Variants in CIP2A observed in about 807,000 individuals in gnomAD.
CIP2A encodes the protein cellular inhibitor of PP2A.
In CIP2A, 103 loss-of-function variants were observed where a neutral mutation model predicts 110.9. The ratio of observed to expected loss-of-function variants is 0.93; its 90% CI spans 0.79 to 1.09. CIP2A has a LOEUF of 1.09. Ranked by LOEUF, CIP2A falls within the 50% of genes least tolerant of loss-of-function variation. The probability of loss-of-function intolerance (pLI) is 0.00; values close to 1 mark genes in which losing one functional copy is unlikely to be tolerated. For synonymous variants in CIP2A, 381 were observed against 361.6 expected (o/e 1.05, Z -0.61); for missense variants, 1,088 against 1,038.4 (o/e 1.05, Z -0.66).
chr3:108,553,819 A>G (rs1304608544), intron 18 of CIP2A, 89 bp from the exon 19 acceptor site: 37 of 970,408 alleles, frequency 3.8e-5, no homozygotes, highest in Admixed American at 5.5e-5. Context: ...TTGGGAGGCC[A>G]AGGCGGGCAG....
chr3:108,557,845 G>C (rs1418792563), intron 16 of CIP2A, among the ~76,000 whole-genome samples: 1 of 152,084 alleles, frequency 6.6e-6, no homozygotes, highest in African/African-American at 2.4e-5. Flanking sequence ...AATTAAGCTA[G>C]TATAATCAAA....
intron 8 of CIP2A, among the ~76,000 whole-genome samples, chr3:108,571,955 AT>A (rs1295514139): frequency 1.3e-5 from 2 of 152,042 alleles, no homozygotes; most frequent in Non-Finnish European, 2.9e-5. Flanking sequence ...TTAAATCTGC[AT>A]TTCCCTTAAG....
At chr3:108,560,578 G>A (rs1937972213) in intron 14 of CIP2A, 71 bp downstream of exon 14, 1 of 855,206 alleles carries the variant, frequency 1.2e-6, no homozygotes, top group Non-Finnish European at 1.8e-6. Flanking sequence ...ACAGTGTTTA[G>A]ATACACGTTA....
chr3:108,589,338 G>C lies in CIP2A; in HGVS notation c.38C>G (p.Thr13Ser). 1 of 1,613,990 alleles carries C rather than the reference G, an allele frequency of 6.2e-7. No individual in the cohort carries two copies. The highest frequency in any genetic ancestry group is 1.3e-5 in the African/African-American group (1 of 75,072). The change falls in exon 1 of 21, where the codon ACT becomes AGT. Residue 13 changes from threonine (T) to serine (S), a missense_variant. Thr to Ser is a moderately conservative substitution (Grantham distance 58). Coordinates refer to ENST00000295746, the MANE Select transcript of CIP2A (RefSeq NM_020890.3). ...CTTCACGGCTTTGTACTGACTGACA[G>C]TCAGGAGCAAGGACTTCAAGCAGGC... Reference protein sequence around the residue: ...STACLKSLLLTVSQYKAVKSE... With the variant: ...STACLKSLLLSVSQYKAVKSE...
chr3:108,575,462 A>G (rs1317449454), intron 8 of CIP2A, among the ~76,000 whole-genome samples: 6 of 149,712 alleles, frequency 4.0e-5, no homozygotes, highest in South Asian at 4.2e-4. Context: ...ACATGTATAC[A>G]TGTGAGTATA....
At chr3:108,566,237 C>T (rs575559328) in intron 11 of CIP2A, among the ~76,000 whole-genome samples, 2 of 151,564 alleles carry the variant, frequency 1.3e-5, no homozygotes, top group Non-Finnish European at 3.0e-5. Context: ...ATGTTCAGAA[C>T]CCTTAGATAA....
intron 1 of CIP2A, among the ~76,000 whole-genome samples, chr3:108,588,264 T>C (rs1939150374): frequency 1.3e-5 from 2 of 152,136 alleles, no homozygotes; most frequent in African/African-American, 4.8e-5. Flanking sequence ...AATTATTAGG[T>C]TTGCAGGCAC....
intron 7 of CIP2A, 145 bp from the exon 8 acceptor site, chr3:108,576,491 A>G (rs1304709612): frequency 2.2e-6 from 1 of 446,460 alleles, no homozygotes. Flanking sequence ...ACACTCCTGT[A>G]AAGTTTATAC....
chr3:108,569,318 T>A (rs1938304239), intron 9 of CIP2A, 71 bp downstream of exon 9: 1 of 1,099,220 alleles, frequency 9.1e-7, no homozygotes. Flanking sequence ...TTACAAAGAA[T>A]GTTTTTGAAG....
chr3:108,583,238 T>C (rs141323890), intron 2 of CIP2A, among the ~76,000 whole-genome samples, 155 bp from the exon 3 acceptor site: 3 of 152,322 alleles, frequency 2.0e-5, no homozygotes, highest in African/African-American at 7.2e-5. Flanking sequence ...ATTCAGAAAT[T>C]CAAATGATTT....
intron 18 of CIP2A, among the ~76,000 whole-genome samples, 164 bp from the exon 19 acceptor site, chr3:108,553,894 TATAAAAAAAA>T (rs1344253660): frequency 1.4e-4 from 7 of 49,706 alleles, no homozygotes; most frequent in Admixed American, 2.9e-4. Context: ...CTACTAAAAA[TATAAAAAAAA>T]AAAAAAAAAA....
intron 9 of CIP2A, among the ~76,000 whole-genome samples, chr3:108,568,926 A>G (rs1938280624): frequency 6.6e-6 from 1 of 151,300 alleles, no homozygotes; most frequent in African/African-American, 2.4e-5. Flanking sequence ...AATTGCCCAG[A>G]TAGTAAGATC....
intron 14 of CIP2A, 51 bp downstream of exon 14, chr3:108,560,598 C>A: frequency 9.3e-7 from 1 of 1,078,734 alleles, no homozygotes; most frequent in Non-Finnish European, 1.3e-6. Flanking sequence ...ATAATTGGGA[C>A]TGACATATAG....
At chr3:108,551,864 T>TA (rs2107304748) in intron 20 of CIP2A, among the ~76,000 whole-genome samples, 1 of 152,266 alleles carries the variant, frequency 6.6e-6, no homozygotes, top group African/African-American at 2.4e-5. Context: ...GTGACTTTAG[T>TA]AAGTAACCTC....
chr3:108,587,781 T>C (rs1939111770), intron 1 of CIP2A, among the ~76,000 whole-genome samples: 1 of 151,350 alleles, frequency 6.6e-6, no homozygotes, highest in African/African-American at 2.4e-5. Context: ...TAAGTCTCTC[T>C]TTTTTTTTGT....
rs183820935 is a variant in CIP2A, at chr3:108,566,872, T to G, written c.1274-234A>C. On this transcript the variant is annotated intron_variant, in intron 10 of 20. Coordinates refer to ENST00000295746, the MANE Select transcript of CIP2A (RefSeq NM_020890.3). ...CTCAATGGTTAAAACAGCGAGGATATCTTTCCATTGGATGTCTGTTTTTTG... is the reference window on the plus strand; with the variant it reads ...CTCAATGGTTAAAACAGCGAGGATAGCTTTCCATTGGATGTCTGTTTTTTG... Among the ~76,000 whole-genome samples the G allele has an allele frequency of 6.3e-4, 95 of 151,902 alleles. 1 individual carries two copies. The highest frequency in any genetic ancestry group is 2.2e-3 in the African/African-American group (92 of 41,532).
At chr3:108,560,176 A>G (rs1937950271) in intron 14 of CIP2A, 148 bp from the exon 15 acceptor site, 1 of 575,458 alleles carries the variant, frequency 1.7e-6, no homozygotes, top group Non-Finnish European at 3.1e-6. Flanking sequence ...AGTCACAAAT[A>G]TTTCTTTTTT....
At chr3:108,581,378 T>A (rs769217813) in intron 5 of CIP2A, 37 bp downstream of exon 5, 1 of 1,409,336 alleles carries the variant, frequency 7.1e-7, no homozygotes, top group South Asian at 1.2e-5. Flanking sequence ...GAATCTACCA[T>A]AAAACAAGAA....
chr3:108,568,293 A>G lies in CIP2A; in HGVS notation c.1135T>C (p.Cys379Arg). 6.2e-7 allele frequency: 1 copy of G among 1,611,726 alleles called. No homozygotes were observed. The highest frequency in any genetic ancestry group is 8.5e-7 in the Non-Finnish European group (1 of 1,178,510). ...GTCACAAAACGATCAGCCGAGGAAC[A>G]GTTAGCAGCATCTATGACATCCTGG... ...IFEDVIDAAN[C>R]SSADRFVTLL... The change falls in exon 10 of 21, where the codon TGT becomes CGT. Residue 379 changes from cysteine (C) to arginine (R), a missense_variant. Cys to Arg is a radical substitution (Grantham distance 180, BLOSUM62 -3). Coordinates refer to ENST00000295746, the MANE Select transcript of CIP2A (RefSeq NM_020890.3).
Sources: gnomAD v4.1 joint callset for allele counts (sites outside exome capture counted in the v4.1 genomes callset) on GRCh38, gnomAD v4.1.1 for gene constraint, MANE v1.5 for transcripts, NCBI Gene and HGNC (gene_info 2026-07-23, HGNC 2026-07-21) for gene names.